The following KDM4B variants were observed in gnomAD, a reference collection of about 807,000 sequenced individuals.
KDM4B encodes the protein lysine-specific demethylase 4B.
Under a neutral mutation model 125.2 loss-of-function variants are expected in KDM4B, and 32 were observed. That is an observed-to-expected ratio of 0.26 (90% CI 0.19 to 0.34). KDM4B has a LOEUF of 0.34. Among genes scored for constraint, KDM4B ranks in the 10% least tolerant of loss-of-function variants. The pLI is 1.00. For synonymous variants in KDM4B, 721 were observed against 677.9 expected (o/e 1.06, Z -0.99); for missense variants, 1,190 against 1,577.7 (o/e 0.75, Z 4.16).
chr19:5,049,538 T>C (rs1342318016), intron 6 of KDM4B, among the ~76,000 whole-genome samples: 1 of 151,590 alleles, frequency 6.6e-6, no homozygotes, highest in Admixed American at 6.6e-5. Context: ...GGAGCCACAG[T>C]GTAGGCTCTA....
At position 4,976,380 on chromosome 19, in the gene KDM4B, T is replaced by C. The variant is rs551945022; in HGVS notation, c.-109+7150T>C. On this transcript the variant is annotated intron_variant, in intron 1 of 22. Coordinates refer to ENST00000159111, the MANE Select transcript of KDM4B (RefSeq NM_015015.3). ...GGAGGGAAAAAACAGCTACAAACAG[T>C]GTAGGTGGGGGGAACGCTTCGCTGT... 6.0e-5 allele frequency among the ~76,000 whole-genome samples: 9 copies of C among 149,964 alleles called. No homozygotes were observed. In the South Asian group the frequency reaches 1.1e-3, roughly 18 times the overall value.
chr19:4,986,515 C>T (rs555283242), intron 1 of KDM4B, among the ~76,000 whole-genome samples: 13 of 152,182 alleles, frequency 8.5e-5, no homozygotes, highest in Admixed American at 2.0e-4. Context: ...CATGGCAGGT[C>T]GGCGGGCACA....
At chr19:5,128,107 G>A (rs917315648) in intron 11 of KDM4B, among the ~76,000 whole-genome samples, 3 of 151,780 alleles carry the variant, frequency 2.0e-5, no homozygotes, top group Non-Finnish European at 2.9e-5. Context: ...GGAGCTACCT[G>A]TTGTGTGTGA....
chr19:4,989,304 T>C (rs1568210208), intron 1 of KDM4B, among the ~76,000 whole-genome samples: 1 of 152,164 alleles, frequency 6.6e-6, no homozygotes, highest in Non-Finnish European at 1.5e-5. Flanking sequence ...TCCTTTCTTT[T>C]TTCTGTTTCT....
intron 9 of KDM4B, among the ~76,000 whole-genome samples, chr19:5,104,005 G>A (rs2145962328): frequency 6.6e-6 from 1 of 152,358 alleles, no homozygotes; most frequent in Non-Finnish European, 1.5e-5. Context: ...TGGGTGAGGA[G>A]CAGAAGGAGG....
At chr19:5,138,151 GA>G in intron 18 of KDM4B, 81 bp downstream of exon 18, 2 of 1,087,310 alleles carry the variant, frequency 1.8e-6, no homozygotes, top group Non-Finnish European at 2.7e-6. Context: ...TGCGCGATCT[GA>G]AGCGGTCTTT....
At position 5,081,640 on chromosome 19, in the gene KDM4B, G is replaced by A. The variant is rs2038298293; in HGVS notation, c.781-727G>A. 6.6e-6 allele frequency among the ~76,000 whole-genome samples: 1 copy of A among 152,186 alleles called. No homozygotes were observed. Among genetic ancestry groups the A allele is most frequent in the African/African-American group, 2.4e-5 (1 of 41,442 alleles). On this transcript the variant is annotated intron_variant, in intron 8 of 22. Coordinates refer to ENST00000159111, the MANE Select transcript of KDM4B (RefSeq NM_015015.3). This position sits in a 1 kb window ranked among gnomAD's most constrained non-coding sequence, Gnocchi z 4.2. ...AATTGGACCTGGGTCTGGAAGCATTGGCCCGCTCTCCAGGGTGCTGATCTG... is the reference window on the plus strand; with the variant it reads ...AATTGGACCTGGGTCTGGAAGCATTAGCCCGCTCTCCAGGGTGCTGATCTG...
rs1348240263 is a variant in KDM4B, at chr19:5,078,549, A to G, written c.780+1079A>G. ...TCCCCCGTCTTCTGGTTGGAACATC[A>G]TTCAGTACCAGCAAAACCAGACAGA... On this transcript the variant is annotated intron_variant, in intron 8 of 22. Coordinates refer to ENST00000159111, the MANE Select transcript of KDM4B (RefSeq NM_015015.3). The surrounding 1 kb of genome is among the most constrained non-coding windows in gnomAD (Gnocchi z 4.5). 1 of 151,744 alleles carries G rather than the reference A, an allele frequency of 6.6e-6. No individual in the cohort carries two copies. The highest frequency in any genetic ancestry group is 2.4e-5 in the African/African-American group (1 of 41,258). The allele number at this position is 151,744 out of a possible 1,614,324, so 9.4% of individuals were successfully genotyped here. A position where few individuals can be genotyped will look rare whatever the true frequency, so the allele number is the denominator to read the frequency against.
rs1204013364 is a variant in KDM4B at position 5,138,045 on chromosome 19, C to T, written c.2525C>T (p.Ala842Val). The change falls in exon 18 of 23, where the codon GCC becomes GTC. Residue 842 changes from alanine (A) to valine (V), a missense_variant. Physicochemically the swap from Ala to Val is moderately conservative, Grantham distance 64. Around this residue, in one of 7 missense-constraint regions of KDM4B, gnomAD observed 298 missense variants for 439.7 expected, o/e 0.68. Transcript: ENST00000159111. ...VIERHPVDIS[A>V]IPEQRWKLKC... Reference sequence around the variant, plus strand: ...GAGCGCCACCCTGTGGACATCAGCGCCATCCCCGAGCAGCGGTGGAAGCTG... The same window carrying T: ...GAGCGCCACCCTGTGGACATCAGCGTCATCCCCGAGCAGCGGTGGAAGCTG... 1 of 1,612,526 alleles carries T rather than the reference C, an allele frequency of 6.2e-7. No individual in the cohort carries two copies. The highest frequency in any genetic ancestry group is 1.7e-5 in the Admixed American group (1 of 59,986).
intron 11 of KDM4B, among the ~76,000 whole-genome samples, chr19:5,121,345 A>G (rs1246226877): frequency 6.6e-6 from 1 of 152,216 alleles, no homozygotes; most frequent in East Asian, 1.9e-4. Context: ...CTGCCGGCCT[A>G]GAGAGGCAAG....
intron 6 of KDM4B, among the ~76,000 whole-genome samples, chr19:5,066,038 C>T (rs984867931): frequency 1.4e-4 from 22 of 152,204 alleles, no homozygotes; most frequent in African/African-American, 5.3e-4. Flanking sequence ...TCCTTGGCTG[C>T]AGTCCTGACC....
At chr19:5,073,056 C>T (rs1045720924) in intron 7 of KDM4B, among the ~76,000 whole-genome samples, 2 of 152,222 alleles carry the variant, frequency 1.3e-5, no homozygotes, top group Non-Finnish European at 2.9e-5. Context: ...CATGGAATGA[C>T]ATCGGATCAC....
chr19:5,041,041 C>A, intron 4 of KDM4B, 96 bp from the exon 5 acceptor site: 1 of 760,010 alleles, frequency 1.3e-6, no homozygotes, highest in Non-Finnish European at 2.2e-6. Flanking sequence ...CCCCTCCCGC[C>A]TCTTTCATGG....
Position 5,119,788 on chromosome 19 carries a change from C to T in KDM4B, c.1251C>T (p.Asp417=), listed in dbSNP as rs1007972982. ...SVKEEAGPEV[D]PEEEEEEPQP... is the part of the protein sequence containing the mutation. The stretch of plus-strand genomic sequence containing the variant: ...AGGAGGAGGCTGGGCCGGAGGTTGA[C>T]CCCGAGGAGGAGGAGGAGGAGCCGC... Residue 417 remains aspartate (D), a synonymous_variant, in exon 11 of 23, where the codon GAC becomes GAT. Coordinates refer to ENST00000159111, the MANE Select transcript of KDM4B (RefSeq NM_015015.3). The T allele has an allele frequency of 2.6e-6, 4 of 1,543,986 alleles. No individual in the cohort carries two copies. Among genetic ancestry groups the T allele is most frequent in the Non-Finnish European group, 3.5e-6 (4 of 1,144,072 alleles).
chr19:4,982,190 G>T (rs1418952671), intron 1 of KDM4B, among the ~76,000 whole-genome samples: 1 of 152,054 alleles, frequency 6.6e-6, no homozygotes, highest in African/African-American at 2.4e-5. Context: ...CTACTTGGAG[G>T]CTGAGGCAGG....
chr19:5,077,536 G>T (rs972081371), intron 8 of KDM4B, 66 bp downstream of exon 8: 4 of 1,322,622 alleles, frequency 3.0e-6, no homozygotes. Context: ...CCAGGTGGCC[G>T]CACATACCCC....
chr19:5,133,922 C>T lies in KDM4B; in HGVS notation c.1946C>T (p.Pro649Leu), dbSNP rs751495787. ...PFSGEEDVSD[P>L]DALRPLLSLQ... ...TCCGGGGAGGAAGATGTGAGTGACC[C>T]GGACGCCTTGAGGCCGCTGCTGTCT... Residue 649 changes from proline to leucine, a missense_variant, in exon 14 of 23, where the codon CCG (proline) becomes CTG (leucine). This residue lies in a region of KDM4B where 128 missense variants were observed against 137.8 expected (regional missense o/e 0.93). Transcript: ENST00000159111. 1.1e-5 allele frequency: 17 copies of T among 1,612,982 alleles called. No homozygotes were observed. Among genetic ancestry groups the T allele is most frequent in the South Asian group, 2.2e-5 (2 of 91,084 alleles).
chr19:5,144,515 G>C lies in KDM4B; in HGVS notation c.2901+103G>C, dbSNP rs915826322. 11 of 1,062,456 alleles carry C rather than the reference G, an allele frequency of 1.0e-5. No individual in the cohort carries two copies. In the African/African-American group the frequency reaches 1.8e-4, roughly 17 times the overall value. The allele number at this position is 1,062,456 out of a possible 1,614,324, so 65.8% of individuals were successfully genotyped here. On this transcript the variant is annotated intron_variant, in intron 20 of 22. Transcript: ENST00000159111. ...GAGCTGTGGGGGTGGGCGGGGGGAA[G>C]CTAGGAGTGGCCTGACTCCAGATCC...
At chr19:5,119,401 G>A (rs74484586) in intron 10 of KDM4B, among the ~76,000 whole-genome samples, 8,640 of 152,052 alleles carry the variant, frequency 0.057, 292 homozygotes, top group African/African-American at 0.073. Context: ...AGCGTCCCCC[G>A]CTTGACACCG....
Sources: gnomAD v4.1 joint callset for allele counts (sites outside exome capture counted in the v4.1 genomes callset) on GRCh38, gnomAD v4.1.1 for gene constraint, gnomAD v4.1.1 regional missense constraint, Gnocchi (gnomAD v3.1) non-coding constraint, MANE v1.5 for transcripts, NCBI Gene and HGNC (gene_info 2026-07-23, HGNC 2026-07-21) for gene names.